Variants in GDPD4 observed in about 807,000 individuals in gnomAD.
GDPD4 encodes glycerophosphodiester phosphodiesterase domain containing 4.
Under a neutral mutation model 67.8 loss-of-function variants are expected in GDPD4, and 60 were observed. That is an observed-to-expected ratio of 0.88 (90% confidence interval 0.72 to 1.10). GDPD4 has a LOEUF of 1.10. Ranked by LOEUF, GDPD4 falls within the 50% of genes least tolerant of loss-of-function variation. GDPD4 has a pLI of 0.00. For missense variants in GDPD4, 623 were observed against 613.9 expected, an observed-to-expected ratio of 1.01 and a Z score of -0.16; for synonymous variants, 212 against 210.9, an observed-to-expected ratio of 1.00 and a Z score of -0.04.
chr11:77,226,865 A>C (rs1958349790), intron 16 of GDPD4, among the ~76,000 whole-genome samples: 1 of 152,044 alleles, frequency 6.6e-6, no homozygotes, highest in African/African-American at 2.4e-5. Context: ...AATTTATTCA[A>C]ATTTCTAAAC....
chr11:77,260,740 A>G (rs988251163), intron 10 of GDPD4, among the ~76,000 whole-genome samples: 1 of 152,102 alleles, frequency 6.6e-6, no homozygotes, highest in African/African-American at 2.4e-5. Context: ...GGAAATTTAG[A>G]GATAAGATAT....
At chr11:77,221,338 A>G (rs1178635319) in intron 16 of GDPD4, among the ~76,000 whole-genome samples, 1 of 152,196 alleles carries the variant, frequency 6.6e-6, no homozygotes, top group Non-Finnish European at 1.5e-5. Flanking sequence ...TGTCAATTTT[A>G]GATCTTTCCT....
intron 2 of GDPD4, among the ~76,000 whole-genome samples, chr11:77,286,585 G>A (rs1010267417): frequency 6.6e-6 from 1 of 152,190 alleles, no homozygotes; most frequent in African/African-American, 2.4e-5. Flanking sequence ...GTTGGACCAT[G>A]TTTACAAATA....
chr11:77,257,578 C>CACAG (rs1555120139), intron 11 of GDPD4, among the ~76,000 whole-genome samples: 3 of 151,338 alleles, frequency 2.0e-5, no homozygotes, highest in Non-Finnish European at 4.4e-5. Context: ...CACACACACA[C>CACAG]ACACACACAC....
At chr11:77,292,034 AATTATT>A (rs539645202) in intron 1 of GDPD4, among the ~76,000 whole-genome samples, 5 of 152,118 alleles carry the variant, frequency 3.3e-5, no homozygotes, top group Non-Finnish European at 5.9e-5. Flanking sequence ...CTCAAAAAAA[AATTATT>A]ATTATTATTA....
chr11:77,248,781 G>A (rs1958831087), intron 11 of GDPD4, among the ~76,000 whole-genome samples: 1 of 150,974 alleles, frequency 6.6e-6, no homozygotes, highest in African/African-American at 2.4e-5. Context: ...GAGTACAATG[G>A]CACAGTCTCA....
chr11:77,221,509 C>T (rs1447415879), intron 16 of GDPD4, among the ~76,000 whole-genome samples: 1 of 152,134 alleles, frequency 6.6e-6, no homozygotes, highest in Non-Finnish European at 1.5e-5. Context: ...CATTCAGGAG[C>T]AGGTTGTTCA....
intron 1 of GDPD4, among the ~76,000 whole-genome samples, chr11:77,295,184 C>T (rs1937912723): frequency 6.6e-6 from 1 of 151,366 alleles, no homozygotes; most frequent in Non-Finnish European, 1.5e-5. Flanking sequence ...GATGGGGTTT[C>T]ACTGTGTTAG....
chr11:77,259,240 A>C (rs1959065949), intron 10 of GDPD4, among the ~76,000 whole-genome samples: 1 of 152,092 alleles, frequency 6.6e-6, no homozygotes, highest in African/African-American at 2.4e-5. Flanking sequence ...TCAGCCTCCC[A>C]AAGTGCTGGG....
rs762247508 is a variant in GDPD4, at chr11:77,245,337, T to A, written c.1030A>T (p.Thr344Ser). 1 of 1,614,030 alleles carries A rather than the reference T, an allele frequency of 6.2e-7. No homozygotes were observed. The highest frequency in any genetic ancestry group is 8.5e-7 in the Non-Finnish European group (1 of 1,180,042). The change falls in exon 12 of 17, where the codon ACA becomes TCA. Residue 344 changes from threonine to serine, a missense_variant. Physicochemically the swap from Thr to Ser is moderately conservative, Grantham distance 58. Transcript: ENST00000315938. ...ACGCTTACTACTTGGCGGACAAATGTGTGTCTGAGAGGATGTTTTGGTGGA... is the reference window on the plus strand; with the variant it reads ...ACGCTTACTACTTGGCGGACAAATGAGTGTCTGAGAGGATGTTTTGGTGGA... ...RPPPKHPLRH[T>S]FVRQVVSVIL...
rs1364510680 is a variant in GDPD4 at position 77,281,743 on chromosome 11, A to G, written c.54-2344T>C. Among the ~76,000 whole-genome samples, 3 of 152,184 alleles carry G rather than the reference A, an allele frequency of 2.0e-5. No homozygotes were observed. The East Asian group carries it at 5.8e-4, about 29-fold the overall frequency. On this transcript the variant is annotated intron_variant, in intron 3 of 16. Transcript: ENST00000315938. ...CTTACAGGGTTACATTCTAGGAGTA[A>G]GCACAAACTTTTCCAGTTTGTGACT...
At chr11:77,253,221 A>G (rs1220328289) in intron 11 of GDPD4, among the ~76,000 whole-genome samples, 1 of 152,150 alleles carries the variant, frequency 6.6e-6, no homozygotes, top group Non-Finnish European at 1.5e-5. Context: ...GGAAGAAGGT[A>G]TGTTCTGGAG....
intron 16 of GDPD4, among the ~76,000 whole-genome samples, chr11:77,222,233 T>G (rs1462338593): frequency 6.6e-6 from 1 of 152,264 alleles, no homozygotes; most frequent in African/African-American, 2.4e-5. Flanking sequence ...TTAAGGTTAA[T>G]ATTCTTATCT....
intron 1 of GDPD4, among the ~76,000 whole-genome samples, chr11:77,290,829 A>T (rs990887998): frequency 7.2e-5 from 11 of 152,338 alleles, no homozygotes; most frequent in Non-Finnish European, 1.6e-4. Flanking sequence ...ACAGTGAGAC[A>T]TTATCTTACC....
At chr11:77,298,856 GT>G (rs1938068073) in intron 1 of GDPD4, among the ~76,000 whole-genome samples, 1 of 151,942 alleles carries the variant, frequency 6.6e-6, no homozygotes, top group African/African-American at 2.4e-5. Context: ...GACTTATATT[GT>G]TATGCCAGAG....
intron 13 of GDPD4, among the ~76,000 whole-genome samples, chr11:77,240,173 A>G (rs1958636057): frequency 6.6e-6 from 1 of 152,148 alleles, no homozygotes; most frequent in African/African-American, 2.4e-5. Flanking sequence ...AATGATTTCT[A>G]AAAGCCAAGA....
At chr11:77,261,056 G>A (rs1447821640) in intron 10 of GDPD4, among the ~76,000 whole-genome samples, 1 of 152,066 alleles carries the variant, frequency 6.6e-6, no homozygotes. Flanking sequence ...ATTCTTTCCT[G>A]GCTAAAAGTC....
chr11:77,276,776 T>C (rs1018983909), intron 4 of GDPD4, among the ~76,000 whole-genome samples: 3 of 152,152 alleles, frequency 2.0e-5, no homozygotes, highest in Non-Finnish European at 2.9e-5. Context: ...AGAACTGGAG[T>C]CCTCAGATGC....
intron 13 of GDPD4, among the ~76,000 whole-genome samples, chr11:77,239,421 T>A: frequency 6.6e-6 from 1 of 152,214 alleles, no homozygotes; most frequent in Non-Finnish European, 1.5e-5. Flanking sequence ...CATGACCTTT[T>A]ATATAGAAAA....
Sources: gnomAD v4.1 joint callset for allele counts (sites outside exome capture counted in the v4.1 genomes callset) on GRCh38, gnomAD v4.1.1 for gene constraint, MANE v1.5 for transcripts, NCBI Gene and HGNC (gene_info 2026-07-23, HGNC 2026-07-21) for gene names.